The following OLA1 variants were observed in gnomAD, a reference collection of about 807,000 sequenced individuals.
OLA1 encodes the protein obg-like ATPase 1.
Under a neutral mutation model 48.4 loss-of-function variants are expected in OLA1, and 14 were observed. That is an observed-to-expected ratio of 0.29 (90% CI 0.19 to 0.45). OLA1 has a LOEUF of 0.45. Among genes scored for constraint, OLA1 ranks in the 20% least tolerant of loss-of-function variants. OLA1 has a pLI of 1.00. For synonymous variants in OLA1, 127 were observed against 150.4 expected, an observed-to-expected ratio of 0.84 and a Z score of 1.14; for missense variants, 325 against 467.1, an observed-to-expected ratio of 0.70 and a Z score of 2.80.
At chr2:174,114,010 TG>T (rs1685716732) in intron 7 of OLA1, among the ~76,000 whole-genome samples, 1 of 151,980 alleles carries the variant, frequency 6.6e-6, no homozygotes, top group African/African-American at 2.4e-5. Flanking sequence ...TGGTTTGCTA[TG>T]TATGTCTTTT....
At chr2:174,157,247 A>G (rs955122647) in intron 4 of OLA1, among the ~76,000 whole-genome samples, 2 of 152,200 alleles carry the variant, frequency 1.3e-5, no homozygotes, top group Admixed American at 1.3e-4. Flanking sequence ...TTTCTGAGAT[A>G]AGAAAAAGCG....
chr2:174,236,525 A>C (rs1336581012), intron 2 of OLA1, among the ~76,000 whole-genome samples: 1 of 152,242 alleles, frequency 6.6e-6, no homozygotes, highest in Non-Finnish European at 1.5e-5. Context: ...AAATAACCAG[A>C]GCTTCAGCAG....
chr2:174,182,913 A>G (rs745568797), intron 4 of OLA1, among the ~76,000 whole-genome samples: 2 of 152,232 alleles, frequency 1.3e-5, no homozygotes, highest in Non-Finnish European at 2.9e-5. Context: ...GAGTTAAACT[A>G]AAAGTTTTCC....
intron 5 of OLA1, among the ~76,000 whole-genome samples, chr2:174,130,052 A>G (rs1281568028): frequency 6.6e-6 from 1 of 152,194 alleles, no homozygotes; most frequent in Non-Finnish European, 1.5e-5. Context: ...CTAGAAGTCC[A>G]CTAATACAGC....
chr2:174,121,908 T>C (rs1200099914), intron 7 of OLA1, among the ~76,000 whole-genome samples: 3 of 152,200 alleles, frequency 2.0e-5, no homozygotes, highest in Non-Finnish European at 2.9e-5. Context: ...CTTTGATGTC[T>C]GTATTGTTTC....
In OLA1 at chr2:174,082,070, G is replaced by C. The variant is rs775604340; in HGVS notation, c.729-6C>G. 1 of 1,611,714 alleles carries C rather than the reference G, an allele frequency of 6.2e-7. No individual in the cohort carries two copies. Among genetic ancestry groups the C allele is most frequent in the South Asian group, 1.1e-5 (1 of 90,906 alleles). On this transcript the variant is annotated splice_region_variant and splice_polypyrimidine_tract_variant and intron_variant, in intron 7 of 10. Transcript: ENST00000284719. The stretch of plus-strand genomic sequence containing the variant: ...ACTCTTTAATTTTTATCAACCTGTA[G>C]ACAAAAAAGGGCACAACATTATCTT...
intron 2 of OLA1, among the ~76,000 whole-genome samples, chr2:174,231,823 A>G (rs974990651): frequency 3.5e-4 from 54 of 152,226 alleles, no homozygotes; most frequent in African/African-American, 1.2e-3. Context: ...GATCATTACT[A>G]TAGGCTTCAG....
intron 7 of OLA1, among the ~76,000 whole-genome samples, chr2:174,120,898 A>T (rs1316571141): frequency 6.6e-6 from 1 of 152,170 alleles, no homozygotes; most frequent in African/African-American, 2.4e-5. Context: ...GACCCATGAA[A>T]GTATTTATTA....
At chr2:174,109,810 T>C (rs1004688003) in intron 7 of OLA1, among the ~76,000 whole-genome samples, 4 of 152,184 alleles carry the variant, frequency 2.6e-5, no homozygotes, top group African/African-American at 9.7e-5. Flanking sequence ...TAAAACATGA[T>C]GAGAGTTAAC....
intron 3 of OLA1, among the ~76,000 whole-genome samples, chr2:174,224,285 C>T (rs914368984): frequency 6.6e-6 from 1 of 152,180 alleles, no homozygotes; most frequent in Admixed American, 6.5e-5. Context: ...CCACTGCCCC[C>T]TCTCGGTACC....
At chr2:174,108,405 T>C (rs549831911) in intron 7 of OLA1, among the ~76,000 whole-genome samples, 1 of 152,284 alleles carries the variant, frequency 6.6e-6, no homozygotes, top group African/African-American at 2.4e-5. Context: ...GTCTGTAAGA[T>C]AGAAGATATG....
intron 4 of OLA1, among the ~76,000 whole-genome samples, chr2:174,186,370 TATCCA>T (rs1687655343): frequency 6.6e-6 from 1 of 152,148 alleles, no homozygotes; most frequent in African/African-American, 2.4e-5. Flanking sequence ...AATGCTCCAA[TATCCA>T]AAACTTTATG....
chr2:174,163,304 C>CA (rs1687056781), intron 4 of OLA1, among the ~76,000 whole-genome samples: 1 of 151,318 alleles, frequency 6.6e-6, no homozygotes, highest in African/African-American at 2.4e-5. Flanking sequence ...TAGAATAAGG[C>CA]AAAAAAAGAA....
chr2:174,125,990 C>T (rs1025424795), intron 5 of OLA1, among the ~76,000 whole-genome samples: 3 of 152,026 alleles, frequency 2.0e-5, no homozygotes, highest in African/African-American at 7.2e-5. Flanking sequence ...CAAGAAAAGA[C>T]AACTTAGATT....
At chr2:174,162,213 C>T (rs1687027388) in intron 4 of OLA1, among the ~76,000 whole-genome samples, 1 of 152,092 alleles carries the variant, frequency 6.6e-6, no homozygotes, top group East Asian at 1.9e-4. Flanking sequence ...GAAAAGAAAG[C>T]ACTGGAAAAC....
chr2:174,227,856 AT>A (rs1458702001), intron 3 of OLA1, among the ~76,000 whole-genome samples: 1 of 152,262 alleles, frequency 6.6e-6, no homozygotes, highest in Non-Finnish European at 1.5e-5. Flanking sequence ...CATCAAAAAA[AT>A]CAATGGATGC....
chr2:174,188,530 C>T (rs992377871), intron 4 of OLA1, among the ~76,000 whole-genome samples: 9 of 152,090 alleles, frequency 5.9e-5, no homozygotes, highest in African/African-American at 1.4e-4. Flanking sequence ...CTGAGTTACC[C>T]TGAACACATT....
chr2:174,181,912 G>A (rs577430382), intron 4 of OLA1, among the ~76,000 whole-genome samples: 1 of 152,006 alleles, frequency 6.6e-6, no homozygotes, highest in Non-Finnish European at 1.5e-5. Context: ...CTTGTTTATT[G>A]TCTATCTCCC....
At chr2:174,128,504 T>C (rs1008620795) in intron 5 of OLA1, among the ~76,000 whole-genome samples, 3 of 151,090 alleles carry the variant, frequency 2.0e-5, no homozygotes, top group African/African-American at 7.3e-5. Context: ...CCAAGGCAGG[T>C]GGATCACCTG....
Sources: gnomAD v4.1 joint callset for allele counts (sites outside exome capture counted in the v4.1 genomes callset) on GRCh38, gnomAD v4.1.1 for gene constraint, MANE v1.5 for transcripts, NCBI Gene and HGNC (gene_info 2026-07-23, HGNC 2026-07-21) for gene names.